Variants in HAPLN1 observed in about 807,000 individuals in gnomAD.
HAPLN1 encodes the protein hyaluronan and proteoglycan link protein 1.
In HAPLN1, 13 loss-of-function variants were observed where a neutral mutation model predicts 36.5. The ratio of observed to expected loss-of-function variants is 0.36; its 90% confidence interval spans 0.23 to 0.57. The LOEUF (loss-of-function observed/expected upper bound fraction) is 0.57, where lower values mean the gene tolerates loss of function less well. HAPLN1 is among the 20% of genes least tolerant of loss of function. The pLI, the probability that HAPLN1 is intolerant of heterozygous loss-of-function variation, is 0.83. For missense variants in HAPLN1, 407 were observed against 439.7 expected, an observed-to-expected ratio of 0.93 and a Z score of 0.66; for synonymous variants, 202 against 169.8, an observed-to-expected ratio of 1.19 and a Z score of -1.48.
chr5:83,644,447 T>C lies in HAPLN1; in HGVS notation c.691A>G (p.Thr231Ala). Residue 231 changes from threonine (T) to alanine (A), a missense_variant, in exon 4 of 5, where the codon ACA becomes GCA. Physicochemically the swap from Thr to Ala is moderately conservative, Grantham distance 58. Coordinates refer to ENST00000274341, the MANE Select transcript of HAPLN1 (RefSeq NM_001884.4). ...CCGTAGTTCCTGACTCCGGGCACTG[T>C]GTTCTGCCCCCCACAGGGCTCTCTG... is the stretch of plus-strand genomic sequence containing the variant. ...KPREPCGGQN[T>A]VPGVRNYGFW... is the part of the protein sequence containing the mutation. 1 of 1,612,610 alleles carries C rather than the reference T, an allele frequency of 6.2e-7. No individual in the cohort carries two copies.
intron 1 of HAPLN1, among the ~76,000 whole-genome samples, chr5:83,683,949 A>G (rs1362455296): frequency 6.6e-6 from 1 of 152,150 alleles, no homozygotes; most frequent in African/African-American, 2.4e-5. Context: ...AAGCAAACAG[A>G]AAAGAACAAG....
In HAPLN1 at chr5:83,644,564, C is replaced by T. The variant is rs773127545; in HGVS notation, c.574G>A (p.Asp192Asn). 2 of 1,597,308 alleles carry T rather than the reference C, an allele frequency of 1.3e-6. No homozygotes were observed. Among genetic ancestry groups the T allele is most frequent in the South Asian group, 1.1e-5 (1 of 88,352 alleles). The change falls in exon 4 of 5, where the codon GAC (aspartate) becomes AAC (asparagine). Residue 192 changes from aspartate (D) to asparagine (N), a missense_variant. Coordinates refer to ENST00000274341, the MANE Select transcript of HAPLN1 (RefSeq NM_001884.4). ...CCCCGCCAGGCGTCGTACAGCTGGT[C>T]GAAGGAGGCGATCACAGCATCCTGG... ...LDQDAVIASF[D>N]QLYDAWRGGL...
At chr5:83,668,835 C>G (rs1020078213) in intron 2 of HAPLN1, among the ~76,000 whole-genome samples, 13 of 152,076 alleles carry the variant, frequency 8.5e-5, no homozygotes, top group Admixed American at 7.2e-4. Context: ...GAGGACTGAA[C>G]CAGATTTGAA....
intron 2 of HAPLN1, among the ~76,000 whole-genome samples, chr5:83,671,036 G>T (rs185957390): frequency 0.01 from 1,595 of 151,912 alleles, 12 homozygotes; most frequent in Non-Finnish European, 0.014. Context: ...AAACTTTTTT[G>T]TGTGTGTCTA....
At chr5:83,697,328 C>T (rs769631386) in intron 1 of HAPLN1, among the ~76,000 whole-genome samples, 1 of 152,026 alleles carries the variant, frequency 6.6e-6, no homozygotes, top group Non-Finnish European at 1.5e-5. Flanking sequence ...TTTCACTTAG[C>T]GTAATGTTTT....
chr5:83,710,601 A>G (rs1751757991), intron 1 of HAPLN1, among the ~76,000 whole-genome samples: 1 of 152,176 alleles, frequency 6.6e-6, no homozygotes, highest in Non-Finnish European at 1.5e-5. Flanking sequence ...GGTATGTGAC[A>G]TTAGAAAAGG....
intron 3 of HAPLN1, among the ~76,000 whole-genome samples, chr5:83,644,983 C>T (rs570830939): frequency 1.3e-5 from 2 of 152,296 alleles, no homozygotes; most frequent in East Asian, 3.9e-4. Context: ...TCCCCAGGAA[C>T]TTACCATTTG....
At chr5:83,701,819 G>A (rs965842617) in intron 1 of HAPLN1, among the ~76,000 whole-genome samples, 1 of 151,922 alleles carries the variant, frequency 6.6e-6, no homozygotes, top group Admixed American at 6.6e-5. Flanking sequence ...CCAGCTGCTT[G>A]GGAGGCTGAG....
chr5:83,715,450 C>G (rs1346956774), intron 1 of HAPLN1, among the ~76,000 whole-genome samples: 1 of 152,120 alleles, frequency 6.6e-6, no homozygotes, highest in Non-Finnish European at 1.5e-5. Flanking sequence ...CAAATTTCAC[C>G]TACTTGGCAA....
chr5:83,640,496 GTT>G lies in HAPLN1; in HGVS notation c.*998_*999del, dbSNP rs1183591203. ...TAAGAATTTTGAAAGTTGCATCTTT[GTT>G]TCTGCATTAGGGATTCCTTTTATAA... On this transcript the variant is annotated 3_prime_UTR_variant, in exon 5 of 5. Transcript: ENST00000274341. 3 of 152,030 alleles carry G rather than the reference GTT, an allele frequency of 2.0e-5. No homozygotes were observed. Among genetic ancestry groups the G allele is most frequent in the Admixed American group, 6.5e-5 (1 of 15,272 alleles). 9.4% of individuals were successfully genotyped at this position (152,030 alleles called of 1,614,324 possible).
chr5:83,706,998 T>C (rs1239699708), intron 1 of HAPLN1, among the ~76,000 whole-genome samples: 2 of 152,232 alleles, frequency 1.3e-5, no homozygotes, highest in East Asian at 3.9e-4. Context: ...AAGAACAAAG[T>C]ACCTAGGAAT....
chr5:83,703,330 A>G (rs1332350518), intron 1 of HAPLN1: 4 of 152,166 alleles, frequency 2.6e-5, no homozygotes, highest in Non-Finnish European at 5.9e-5. Context: ...TCCTAAACTC[A>G]TGTACTGAGT....
chr5:83,680,672 A>T (rs1026988056), intron 1 of HAPLN1, among the ~76,000 whole-genome samples: 2 of 152,152 alleles, frequency 1.3e-5, no homozygotes, highest in Admixed American at 1.3e-4. Flanking sequence ...CCCTGTGTTT[A>T]TCTTTGGAAA....
At chr5:83,649,540 C>G (rs1227486991) in intron 3 of HAPLN1, among the ~76,000 whole-genome samples, 3 of 152,174 alleles carry the variant, frequency 2.0e-5, no homozygotes, top group Non-Finnish European at 2.9e-5. Flanking sequence ...TCTCCGCCTC[C>G]TGGATTCAAG....
chr5:83,701,054 TGA>T (rs1042621134), intron 1 of HAPLN1, among the ~76,000 whole-genome samples: 8 of 152,190 alleles, frequency 5.3e-5, no homozygotes, highest in Non-Finnish European at 8.8e-5. Flanking sequence ...TTAATATAAA[TGA>T]GAGTTTTCCT....
chr5:83,682,479 A>C (rs1315221115), intron 1 of HAPLN1: 1 of 152,182 alleles, frequency 6.6e-6, no homozygotes, highest in Non-Finnish European at 1.5e-5. Context: ...AATAAAAATA[A>C]TATATTAATG....
intron 1 of HAPLN1, among the ~76,000 whole-genome samples, chr5:83,710,082 G>C (rs946270068): frequency 6.6e-6 from 1 of 152,204 alleles, no homozygotes; most frequent in Non-Finnish European, 1.5e-5. Context: ...TGACAGGTTT[G>C]TGAGATGTGC....
At chr5:83,684,685 T>C (rs1341138621) in intron 1 of HAPLN1, among the ~76,000 whole-genome samples, 2 of 152,210 alleles carry the variant, frequency 1.3e-5, no homozygotes, top group Admixed American at 1.3e-4. Context: ...GTGATCATAG[T>C]AGAGTGGCTG....
At chr5:83,649,507 G>T (rs951953623) in intron 3 of HAPLN1, among the ~76,000 whole-genome samples, 1 of 152,076 alleles carries the variant, frequency 6.6e-6, no homozygotes, top group Non-Finnish European at 1.5e-5. Flanking sequence ...GGAGTGCAAT[G>T]GCGCGATCTC....
Sources: allele counts gnomAD v4.1 joint callset (sites outside exome capture counted in the v4.1 genomes callset), GRCh38; gene constraint gnomAD v4.1.1; transcripts MANE v1.5; gene names NCBI Gene and HGNC (gene_info 2026-07-23, HGNC 2026-07-21).